The following SDK1 variants were observed in gnomAD, a reference collection of about 807,000 sequenced individuals.
SDK1 encodes protein sidekick-1.
In SDK1, 157 loss-of-function variants were observed where a neutral mutation model predicts 245.5. The ratio of observed to expected loss-of-function variants is 0.64; its 90% CI spans 0.56 to 0.73. The LOEUF (loss-of-function observed/expected upper bound fraction) is 0.73. Ranked by LOEUF, SDK1 falls within the 30% of genes least tolerant of loss-of-function variation. The pLI, the probability that SDK1 is intolerant of heterozygous loss-of-function variation, is 0.00. For missense variants in SDK1, 3,583 were observed against 3,002.3 expected (o/e 1.19, Z -4.52); for synonymous variants, 1,647 against 1,278.5 (o/e 1.29, Z -6.15).
intron 5 of SDK1, among the ~76,000 whole-genome samples, chr7:3,906,022 T>G (rs1778902514): frequency 6.6e-6 from 1 of 152,196 alleles, no homozygotes; most frequent in South Asian, 2.1e-4. Context: ...ATTTGCATCT[T>G]CTCATTTTGC....
intron 5 of SDK1, among the ~76,000 whole-genome samples, chr7:3,935,062 A>G (rs928646293): frequency 3.3e-5 from 5 of 152,202 alleles, no homozygotes; most frequent in Admixed American, 6.5e-5. Context: ...TGTCTGCCTC[A>G]CCTTTGTAAG....
chr7:3,516,110 G>C (rs2128613014), intron 1 of SDK1, among the ~76,000 whole-genome samples: 1 of 135,502 alleles, frequency 7.4e-6, no homozygotes, highest in East Asian at 2.1e-4. Flanking sequence ...TAATTCAGAA[G>C]ATATTTTCTT....
At chr7:3,475,588 A>G (rs1462001663) in intron 1 of SDK1, among the ~76,000 whole-genome samples, 1 of 152,246 alleles carries the variant, frequency 6.6e-6, no homozygotes, top group Non-Finnish European at 1.5e-5. Flanking sequence ...TTCATTGGAA[A>G]GAAATTATTT....
In SDK1 at chr7:3,806,984, C is replaced by CT. The variant is rs553645298; in HGVS notation, c.714-14461dup. On this transcript the variant is annotated intron_variant, in intron 4 of 44. Coordinates refer to ENST00000404826, the MANE Select transcript of SDK1 (RefSeq NM_152744.4). ...TTACTCAGACTTTCTCAAAACGGCC[C>CT]TTTTTGAGTTATCGATAGCTGTATT... Among the ~76,000 whole-genome samples the CT allele has an allele frequency of 4.6e-3, 704 of 152,252 alleles. 3 individuals carry two copies. The highest frequency in any genetic ancestry group is 8.8e-3 in the Admixed American group (134 of 15,304).
At chr7:4,165,513 T>C (rs966611433) in intron 32 of SDK1, among the ~76,000 whole-genome samples, 2 of 152,078 alleles carry the variant, frequency 1.3e-5, no homozygotes, top group Non-Finnish European at 2.9e-5. Flanking sequence ...AGCTAAGGAG[T>C]AGAACTCCTT....
At chr7:3,649,840 G>C (rs953408036) in intron 4 of SDK1, among the ~76,000 whole-genome samples, 1 of 152,074 alleles carries the variant, frequency 6.6e-6, no homozygotes, top group African/African-American at 2.4e-5. Flanking sequence ...AGCCAGCCCT[G>C]TAGAGCCCCA....
intron 4 of SDK1, among the ~76,000 whole-genome samples, chr7:3,792,014 G>A (rs546613299): frequency 7.3e-4 from 111 of 152,176 alleles, no homozygotes; most frequent in Non-Finnish European, 1.0e-3. Context: ...TGTAGTCCCA[G>A]CTACTCAAGA....
chr7:3,860,880 G>T lies in SDK1; in HGVS notation c.847+39297G>T, dbSNP rs922520570. Among the ~76,000 whole-genome samples, 3 of 152,096 alleles carry T rather than the reference G, an allele frequency of 2.0e-5. 1 individual carries two copies. The highest frequency in any genetic ancestry group is 2.0e-4 in the Admixed American group (3 of 15,268). ...TGAGAATTGCTGACCAAAAAAACTT[G>T]ATCAGCCCACTCCCTGTCCCCCACT... On this transcript the variant is annotated intron_variant, in intron 5 of 44. Transcript: ENST00000404826.
At chr7:3,756,284 T>C (rs1391463913) in intron 4 of SDK1, among the ~76,000 whole-genome samples, 1 of 150,758 alleles carries the variant, frequency 6.6e-6, no homozygotes, top group African/African-American at 2.4e-5. Flanking sequence ...CACATGCATA[T>C]CTTTGATGTT....
At chr7:3,741,266 C>T (rs995574729) in intron 4 of SDK1, among the ~76,000 whole-genome samples, 1 of 152,138 alleles carries the variant, frequency 6.6e-6, no homozygotes, top group East Asian at 1.9e-4. Flanking sequence ...TTTGGAGTAA[C>T]CAAAACTTTA....
Position 3,343,427 on chromosome 7 carries a change from T to C in SDK1, c.298+41543T>C, listed in dbSNP as rs538001564. Among the ~76,000 whole-genome samples the C allele has an allele frequency of 5.3e-5, 8 of 152,332 alleles. No individual in the cohort carries two copies. In the South Asian group the frequency reaches 1.5e-3, roughly 28 times the overall value. ...AAAGGTTATATGTTGTATAATTCCATTGATGTAATATTTATGAAATGACAA... is the reference window on the plus strand; with the variant it reads ...AAAGGTTATATGTTGTATAATTCCACTGATGTAATATTTATGAAATGACAA... On this transcript the variant is annotated intron_variant, in intron 1 of 44. Coordinates refer to ENST00000404826, the MANE Select transcript of SDK1 (RefSeq NM_152744.4).
At chr7:3,320,825 T>C (rs538139788) in intron 1 of SDK1, among the ~76,000 whole-genome samples, 7 of 152,242 alleles carry the variant, frequency 4.6e-5, no homozygotes, top group East Asian at 1.9e-4. Flanking sequence ...ACCAAAAAAA[T>C]GTTTAACAAT....
chr7:3,907,212 G>A (rs919306209), intron 5 of SDK1, among the ~76,000 whole-genome samples: 1 of 152,062 alleles, frequency 6.6e-6, no homozygotes, highest in Non-Finnish European at 1.5e-5. Flanking sequence ...ACATTGTTGT[G>A]TAAACATCCT....
Position 3,981,118 on chromosome 7 carries a change from T to C in SDK1, c.1995-6068T>C, listed in dbSNP as rs976177443. ...AATTTTTCCAACGGCACCTGCTCACTTAGTGTCTCTGGTCACATTTTGGGA... is the reference window on the plus strand; with the variant it reads ...AATTTTTCCAACGGCACCTGCTCACCTAGTGTCTCTGGTCACATTTTGGGA... On this transcript the variant is annotated intron_variant, in intron 13 of 44. Transcript: ENST00000404826. Among the ~76,000 whole-genome samples, 5 of 152,210 alleles carry C rather than the reference T, an allele frequency of 3.3e-5. No homozygotes were observed. The South Asian group carries it at 6.2e-4, about 19-fold the overall frequency.
At chr7:3,828,791 AC>A (rs1779843228) in intron 5 of SDK1, among the ~76,000 whole-genome samples, 2 of 151,704 alleles carry the variant, frequency 1.3e-5, no homozygotes, top group Admixed American at 6.6e-5. Flanking sequence ...AGCTGGGACT[AC>A]AGGCATGAAC....
chr7:3,669,413 C>T (rs1412931548), intron 4 of SDK1, among the ~76,000 whole-genome samples: 1 of 152,176 alleles, frequency 6.6e-6, no homozygotes, highest in Non-Finnish European at 1.5e-5. Context: ...TCTACTTCTG[C>T]TCCCACCAAA....
intron 14 of SDK1, among the ~76,000 whole-genome samples, chr7:3,992,776 C>T (rs539051904): frequency 6.6e-6 from 1 of 152,184 alleles, no homozygotes; most frequent in East Asian, 1.9e-4. Flanking sequence ...TCGATAGGGA[C>T]CCGCGCTTTC....
At chr7:4,197,024 T>A (rs1202204865) in intron 35 of SDK1, among the ~76,000 whole-genome samples, 1 of 152,230 alleles carries the variant, frequency 6.6e-6, no homozygotes, top group Non-Finnish European at 1.5e-5. Context: ...TTTCATCTTA[T>A]TAAACAGAAA....
At chr7:3,469,035 C>T (rs944953082) in intron 1 of SDK1, among the ~76,000 whole-genome samples, 1 of 152,138 alleles carries the variant, frequency 6.6e-6, no homozygotes, top group Admixed American at 6.5e-5. Flanking sequence ...CCAGTTTTTG[C>T]TGATCATGTC....
Sources: gnomAD v4.1 joint callset for allele counts (sites outside exome capture counted in the v4.1 genomes callset) on GRCh38, gnomAD v4.1.1 for gene constraint, MANE v1.5 for transcripts, NCBI Gene and HGNC (gene_info 2026-07-23, HGNC 2026-07-21) for gene names.